Variants in TNFSF4 observed in about 807,000 individuals in gnomAD.
TNFSF4 encodes the protein TNF superfamily member 4, also known as tumor necrosis factor ligand superfamily member 4.
TNFSF4 carries 4 observed loss-of-function variants against 7.3 expected under a neutral mutation model. The ratio of observed to expected loss-of-function variants is 0.55; its 90% CI spans 0.27 to 1.25. TNFSF4 has a LOEUF of 1.25. TNFSF4 is among the 50% of genes most tolerant of loss of function. TNFSF4 has a pLI of 0.12. For missense variants in TNFSF4, 181 were observed against 208.8 expected, an observed-to-expected ratio of 0.87 and a Z score of 0.82; for synonymous variants, 76 against 83.7, an observed-to-expected ratio of 0.91 and a Z score of 0.50.
At chr1:173,302,145 G>C in the TNFSF4 span, among the ~76,000 whole-genome samples, 2 of 151,814 alleles carry the variant, frequency 1.3e-5, no homozygotes, top group African/African-American at 4.8e-5. Flanking sequence ...CTATAAAATG[G>C]GAAGGATGAT....
chr1:173,420,146 A>G, the TNFSF4 span, among the ~76,000 whole-genome samples: 1 of 152,074 alleles, frequency 6.6e-6, no homozygotes, highest in Non-Finnish European at 1.5e-5. Flanking sequence ...GATGAAAGCT[A>G]ACCAATACCA....
At chr1:173,429,247 G>T in the TNFSF4 span, among the ~76,000 whole-genome samples, 1 of 151,774 alleles carries the variant, frequency 6.6e-6, no homozygotes, top group African/African-American at 2.4e-5. Flanking sequence ...TGGTTTCTAC[G>T]AAAAATGATT....
At chr1:173,229,666 G>A in the TNFSF4 span, among the ~76,000 whole-genome samples, 1 of 152,168 alleles carries the variant, frequency 6.6e-6, no homozygotes. Flanking sequence ...AGACCCATCA[G>A]TGTGCTGTAT....
chr1:173,375,906 C>T, the TNFSF4 span, among the ~76,000 whole-genome samples: 1 of 152,014 alleles, frequency 6.6e-6, no homozygotes, highest in African/African-American at 2.4e-5. Context: ...ACACTCACCG[C>T]AAAGGTCCAT....
the TNFSF4 span, among the ~76,000 whole-genome samples, chr1:173,446,920 C>T: frequency 6.6e-6 from 1 of 152,162 alleles, no homozygotes; most frequent in African/African-American, 2.4e-5. Context: ...AGTGACTTTG[C>T]CTTGTGATAA....
the TNFSF4 span, among the ~76,000 whole-genome samples, chr1:173,445,122 G>C: frequency 1.3e-5 from 2 of 152,166 alleles, no homozygotes; most frequent in African/African-American, 4.8e-5. Context: ...AGAAAGTACA[G>C]TCAAGAGTGA....
At chr1:173,426,160 G>C in the TNFSF4 span, among the ~76,000 whole-genome samples, 2 of 152,158 alleles carry the variant, frequency 1.3e-5, no homozygotes, top group African/African-American at 4.8e-5. Context: ...TCCTTCCTGC[G>C]AGTCAGTCTT....
At chr1:173,182,241 G>GA (rs372005130), downstream of TNFSF4, among the ~76,000 whole-genome samples, 21,119 of 127,684 alleles carry the variant, frequency 0.17, 2,929 homozygotes, top group African/African-American at 0.44. Flanking sequence ...TCAACTGATA[G>GA]AAAAAATAAG....
chr1:173,443,141 G>A, the TNFSF4 span, among the ~76,000 whole-genome samples: 4 of 152,172 alleles, frequency 2.6e-5, no homozygotes, highest in African/African-American at 9.7e-5. Context: ...CGCTGGCCAT[G>A]TATATCAAAT....
chr1:173,380,547 C>T, the TNFSF4 span, among the ~76,000 whole-genome samples: 1 of 152,156 alleles, frequency 6.6e-6, no homozygotes. Flanking sequence ...CTCCTCCCTG[C>T]TTAACAAACA....
chr1:173,173,686 G>T, the TNFSF4 span, among the ~76,000 whole-genome samples: 1 of 152,210 alleles, frequency 6.6e-6, no homozygotes, highest in Non-Finnish European at 1.5e-5. Context: ...GGCTTGCACC[G>T]TCTGAAGCAA....
At chr1:173,301,977 T>C in the TNFSF4 span, among the ~76,000 whole-genome samples, 7 of 151,882 alleles carry the variant, frequency 4.6e-5, no homozygotes, top group African/African-American at 1.4e-4. Flanking sequence ...GTCAGTTATT[T>C]TGATGTGTGG....
rs142375880 is a variant in TNFSF4 at position 173,205,582 on chromosome 1, A to G, written c.153+1442T>C. 247 of 1,206,542 alleles carry G rather than the reference A, an allele frequency of 2.0e-4. No homozygotes were observed. In the African/African-American group the frequency reaches 3.4e-3, roughly 16 times the overall value. 74.7% of individuals were successfully genotyped at this position (1,206,542 alleles called of 1,614,324 possible). A position where few individuals can be genotyped will look rare whatever the true frequency, so the allele number is the denominator to read the frequency against. On this transcript the variant is annotated intron_variant, in intron 1 of 2. Transcript: ENST00000281834. The stretch of plus-strand genomic sequence containing the variant: ...TTATCATCCCATGGTGTAAGGAAAT[A>G]TGTAACACTGTGGTTGTTAGAAAAA...
At chr1:173,330,606 C>T in the TNFSF4 span, among the ~76,000 whole-genome samples, 2 of 151,976 alleles carry the variant, frequency 1.3e-5, no homozygotes, top group Non-Finnish European at 2.9e-5. Context: ...AACTGAAGCT[C>T]CTGAAATACA....
At chr1:173,213,178 T>C in the TNFSF4 span, among the ~76,000 whole-genome samples, 3 of 152,240 alleles carry the variant, frequency 2.0e-5, no homozygotes, top group Non-Finnish European at 2.9e-5. Flanking sequence ...TTAGTTCAAA[T>C]ACAAATGTGA....
the TNFSF4 span, among the ~76,000 whole-genome samples, chr1:173,374,959 T>C: frequency 2.0e-5 from 3 of 152,298 alleles, no homozygotes; most frequent in Non-Finnish European, 4.4e-5. Flanking sequence ...TTGCAAGAGA[T>C]AACAAGATCT....
chr1:173,346,246 T>A, the TNFSF4 span, among the ~76,000 whole-genome samples: 4 of 152,082 alleles, frequency 2.6e-5, no homozygotes, highest in East Asian at 7.7e-4. Context: ...GAAATACATA[T>A]GCTATCCAGA....
upstream of TNFSF4, among the ~76,000 whole-genome samples, chr1:173,208,422 C>T (rs988638017): frequency 2.0e-5 from 3 of 151,990 alleles, no homozygotes; most frequent in Non-Finnish European, 4.4e-5. Context: ...AGTTGTTATA[C>T]CACTTCACAG....
chr1:173,280,421 T>C, the TNFSF4 span, among the ~76,000 whole-genome samples: 2 of 152,120 alleles, frequency 1.3e-5, no homozygotes, highest in South Asian at 2.1e-4. Flanking sequence ...ATGGTAGAGA[T>C]TCAATAAATA....
Sources: allele counts gnomAD v4.1 joint callset (sites outside exome capture counted in the v4.1 genomes callset), GRCh38; gene constraint gnomAD v4.1.1; transcripts MANE v1.5; gene names NCBI Gene and HGNC (gene_info 2026-07-23, HGNC 2026-07-21).